Variants in LAMB2 observed in about 807,000 individuals in gnomAD.
LAMB2 encodes the protein laminin subunit beta 2.
In LAMB2, 119 loss-of-function variants were observed where a neutral mutation model predicts 202.7. The observed-to-expected ratio is 0.59, with a 90% CI of 0.51 to 0.68. LAMB2 has a LOEUF of 0.68. Ranked by LOEUF, LAMB2 falls within the 30% of genes least tolerant of loss-of-function variation. LAMB2 has a pLI of 0.00. For synonymous variants in LAMB2, 818 were observed against 902.2 expected (o/e 0.91, Z 1.67); for missense variants, 2,124 against 2,410.6 (o/e 0.88, Z 2.49).
rs1389787161 is a variant in LAMB2 at position 49,131,580 on chromosome 3, G to A, written c.603C>T (p.Val201=). The change falls in exon 5 of 32, where the codon GTC becomes GTT. Residue 201 remains valine, a synonymous_variant. Transcript: ENST00000305544. The surrounding 1 kb of genome is among the most constrained non-coding windows in gnomAD (Gnocchi z 5.0). ...CAATCTCTGAGTAGCGGGACTCACA[G>A]ACTACATCATCCCAGTGCCGTGGGG... ...LAPPRHWDDV[V]CESRYSEIEP... 3.7e-6 allele frequency: 6 copies of A among 1,613,782 alleles called. No homozygotes were observed. In the African/African-American group the frequency reaches 5.3e-5, roughly 14 times the overall value.
In LAMB2 at chr3:49,124,027, T is replaced by C. The variant is rs186771094; in HGVS notation, c.3498A>G (p.Pro1166=). ...GGTCACAGCGCACACCAGACACCCC[T>C]GGGCGGCAGCTGCAGTGACCTGTGA... is the stretch of plus-strand genomic sequence containing the variant. The part of the protein sequence containing the change: ...HRFTGHCSCR[P]GVSGVRCDQC... Residue 1166 remains proline, a synonymous_variant, in exon 24 of 32, where the codon CCA becomes CCG. Transcript: ENST00000305544. The C allele has an allele frequency of 5.0e-5, 80 of 1,613,658 alleles. 1 individual carries two copies. The East Asian group carries it at 1.0e-3, about 20-fold the overall frequency.
rs780366815 is a variant in LAMB2, at chr3:49,122,254, G to A, written c.4690C>T (p.Arg1564Trp). The A allele has an allele frequency of 1.1e-5, 18 of 1,613,484 alleles. No homozygotes were observed. Among genetic ancestry groups the A allele is most frequent in the South Asian group, 3.3e-5 (3 of 91,084 alleles). Residue 1564 changes from arginine to tryptophan, a missense_variant, in exon 28 of 32, where the codon CGG becomes TGG. Physicochemically the swap from Arg to Trp is moderately radical, Grantham distance 101. This residue lies in a region of LAMB2 where 1,702 missense variants were observed against 1,896.3 expected (regional missense o/e 0.90). Transcript: ENST00000305544. ...HLAGAIAERVRSLADVDAILA... is the reference protein window; with the variant it reads ...HLAGAIAERVWSLADVDAILA... ...ATCGCATCCACATCTGCCAGGCTCC[G>A]GACTCGCTCTGCAATCGCACCCGCC...
chr3:49,132,014 C>T lies in LAMB2; in HGVS notation c.459+102G>A. 8.7e-7 allele frequency: 1 copy of T among 1,145,134 alleles called. No homozygotes were observed. Among genetic ancestry groups the T allele is most frequent in the Non-Finnish European group, 1.3e-6 (1 of 756,050 alleles). 70.9% of individuals were successfully genotyped at this position (1,145,134 alleles called of 1,614,324 possible). A position where few individuals can be genotyped will look rare whatever the true frequency, so the allele number is the denominator to read the frequency against. ...TGTGAAGGGATGAAGGAGCCTCCTG[C>T]ATCCATGCTCAAGGAGGCTGTGTTA... On this transcript the variant is annotated intron_variant, in intron 4 of 31. Coordinates refer to ENST00000305544, the MANE Select transcript of LAMB2 (RefSeq NM_002292.4). This position sits in a 1 kb window ranked among gnomAD's most constrained non-coding sequence, Gnocchi z 4.6.
At chr3:49,122,636 G>A in intron 27 of LAMB2, 68 bp downstream of exon 27, 1 of 1,306,152 alleles carries the variant, frequency 7.7e-7, no homozygotes, top group Non-Finnish European at 1.1e-6. Context: ...TATGAACCAA[G>A]GGAGATACAG....
rs2107639209 is a variant in LAMB2 at position 49,125,056 on chromosome 3, T to C, written c.2834A>G (p.Gln945Arg). 1.2e-6 allele frequency: 2 copies of C among 1,613,986 alleles called. No individual in the cohort carries two copies. The highest frequency in any genetic ancestry group is 2.2e-5 in the East Asian group (1 of 44,884). The change falls in exon 20 of 32, where the codon CAG (glutamine) becomes CGG (arginine). Residue 945 changes from glutamine (Q) to arginine (R), a missense_variant. Coordinates refer to ENST00000305544, the MANE Select transcript of LAMB2 (RefSeq NM_002292.4). ...SQRHFATSCH[Q>R]DEYSQQIVCH... ...CACAATCTGCTGGGAATATTCATCC[T>C]GGTGGCAAGAAGTAGCAAAGTGCCG...
rs368246955 is a variant in LAMB2 at position 49,124,993 on chromosome 3, C to G, written c.2884+13G>C. ...AACTCACCCTGATCCCACGCCTGCC[C>G]CCATCCACTCACCCGTATAGCCTGC... is the stretch of plus-strand genomic sequence containing the variant. On this transcript the variant is annotated intron_variant, in intron 20 of 31. Coordinates refer to ENST00000305544, the MANE Select transcript of LAMB2 (RefSeq NM_002292.4). The G allele has an allele frequency of 6.2e-7, 1 of 1,613,858 alleles. No individual in the cohort carries two copies. Among genetic ancestry groups the G allele is most frequent in the African/African-American group, 1.3e-5 (1 of 74,930 alleles).
chr3:49,121,593 C>T lies in LAMB2; in HGVS notation c.5101-1G>A, dbSNP rs2045251310. The T allele has an allele frequency of 4.3e-6, 7 of 1,614,012 alleles. No homozygotes were observed. The highest frequency in any genetic ancestry group is 5.9e-6 in the Non-Finnish European group (7 of 1,180,026). The stretch of plus-strand genomic sequence containing the variant: ...GATCACCCAGAGGACCGCGTAGCAG[C>T]TGCAGATGTAGAGGGTTAGGTTAGC... On this transcript the variant is annotated splice_acceptor_variant, in intron 30 of 31. Transcript: ENST00000305544. LOFTEE classifies it high-confidence loss of function.
At position 49,123,153 on chromosome 3, in the gene LAMB2, G is replaced by T. The variant is rs1433934701; in HGVS notation, c.4203C>A (p.Ser1401Arg). ...TCACCAGCTCATTTATGTCTGTCAGGCTCAGGGTGTGGGTATGGGCAGAGA... is the reference window on the plus strand; with the variant it reads ...TCACCAGCTCATTTATGTCTGTCAGTCTCAGGGTGTGGGTATGGGCAGAGA... ...GKLSAHTHTL[S>R]LTDINELVCG... Residue 1401 changes from serine (S) to arginine (R), a missense_variant, in exon 26 of 32, where the codon AGC becomes AGA. Coordinates refer to ENST00000305544, the MANE Select transcript of LAMB2 (RefSeq NM_002292.4). The T allele has an allele frequency of 6.2e-7, 1 of 1,613,142 alleles. No homozygotes were observed. Among genetic ancestry groups the T allele is most frequent in the South Asian group, 1.1e-5 (1 of 91,080 alleles).
intron 13 of LAMB2, 53 bp downstream of exon 13, chr3:49,128,967 T>G: frequency 6.2e-7 from 1 of 1,603,170 alleles, no homozygotes; most frequent in East Asian, 2.2e-5. Flanking sequence ...ACCTCTCCAG[T>G]CATAGACGTG....
chr3:49,127,155 A>G (rs2045424374), intron 15 of LAMB2, among the ~76,000 whole-genome samples: 1 of 151,840 alleles, frequency 6.6e-6, no homozygotes, highest in South Asian at 2.1e-4. Flanking sequence ...TTAGCTAATT[A>G]TTTTATTTTT....
chr3:49,128,018 CAAAAAA>C (rs1156873652), intron 15 of LAMB2, among the ~76,000 whole-genome samples: 1 of 32,882 alleles, frequency 3.0e-5, no homozygotes, highest in Non-Finnish European at 5.9e-5. Flanking sequence ...GACTCCGTCT[CAAAAAA>C]AAAAAAAAAA....
chr3:49,126,199 G>C lies in LAMB2; in HGVS notation c.2152-40C>G, dbSNP rs377736594. The C allele has an allele frequency of 9.9e-6, 16 of 1,608,660 alleles. No individual in the cohort carries two copies. In the Admixed American group the frequency reaches 1.7e-4, roughly 17 times the overall value. The stretch of plus-strand genomic sequence containing the variant: ...AAGGAAGATCGCAGTTCAGACCTGG[G>C]ACCACGTAGGCATTGCCAGAGCACT... On this transcript the variant is annotated intron_variant, in intron 16 of 31. Coordinates refer to ENST00000305544, the MANE Select transcript of LAMB2 (RefSeq NM_002292.4).
intron 18 of LAMB2, 126 bp downstream of exon 18, chr3:49,125,621 C>T: frequency 7.0e-7 from 1 of 1,436,490 alleles, no homozygotes; most frequent in Non-Finnish European, 9.5e-7. Context: ...CTACAACTGA[C>T]CCAGGTTGAG....
At position 49,121,974 on chromosome 3, in the gene LAMB2, G is replaced by A; in HGVS notation, c.4893C>T (p.Asp1631=). The stretch of plus-strand genomic sequence containing the variant: ...ACAGGGTCTGCTCTGTGTCCCGTGT[G>A]TCAGCCACTGCCCCCCGGATGGCAC... ...AQGAIRGAVA[D]TRDTEQTLYQ... Residue 1631 remains aspartate (D), a synonymous_variant, in exon 29 of 32, where the codon GAC becomes GAT. Transcript: ENST00000305544. 1 of 1,613,962 alleles carries A rather than the reference G, an allele frequency of 6.2e-7. No individual in the cohort carries two copies. Among genetic ancestry groups the A allele is most frequent in the Non-Finnish European group, 8.5e-7 (1 of 1,180,044 alleles).
At chr3:49,124,981 C>A in intron 20 of LAMB2, 25 bp downstream of exon 20, 1 of 1,613,956 alleles carries the variant, frequency 6.2e-7, no homozygotes, top group Admixed American at 1.7e-5. Flanking sequence ...TCACCCTGAT[C>A]CCACGCCTGC....
At position 49,131,276 on chromosome 3, in the gene LAMB2, G is replaced by C; in HGVS notation, c.712+103C>G. On this transcript the variant is annotated intron_variant, in intron 6 of 31. Transcript: ENST00000305544. The surrounding 1 kb of genome is among the most constrained non-coding windows in gnomAD (Gnocchi z 5.0). The stretch of plus-strand genomic sequence containing the variant: ...ATACACTGCCACCCGAGCTAAACTG[G>C]GCTTGGCACCTGCCCTAGGAAGCAC... 1.4e-6 allele frequency: 2 copies of C among 1,479,788 alleles called. No individual in the cohort carries two copies. The highest frequency in any genetic ancestry group is 2.3e-5 in the East Asian group (1 of 42,660). 91.7% of individuals were successfully genotyped at this position (1,479,788 alleles called of 1,614,324 possible).
At position 49,125,031 on chromosome 3, in the gene LAMB2, C is replaced by T. The variant is rs758142804; in HGVS notation, c.2859G>A (p.Val953=). The T allele has an allele frequency of 1.9e-6, 3 of 1,613,964 alleles. No individual in the cohort carries two copies. The South Asian group carries it at 3.3e-5, about 18-fold the overall frequency. Residue 953 remains valine, a synonymous_variant, in exon 20 of 32, where the codon GTG becomes GTA. Transcript: ENST00000305544. ...CHQDEYSQQI[V]CHCRAGYTGL... Reference sequence around the variant, plus strand: ...CCGTATAGCCTGCCCGGCAGTGGCACACAATCTGCTGGGAATATTCATCCT... The same window carrying T: ...CCGTATAGCCTGCCCGGCAGTGGCATACAATCTGCTGGGAATATTCATCCT...
rs776905329 is a variant in LAMB2, at chr3:49,132,597, T to C, written c.143A>G (p.Tyr48Cys). The change falls in exon 2 of 32, where the codon TAC becomes TGC. Residue 48 changes from tyrosine to cysteine, a missense_variant. Around this residue, in one of 3 missense-constraint regions of LAMB2, gnomAD observed 166 missense variants for 158.2 expected, o/e 1.05. Coordinates refer to ENST00000305544, the MANE Select transcript of LAMB2 (RefSeq NM_002292.4). The surrounding 1 kb of genome is among the most constrained non-coding windows in gnomAD (Gnocchi z 4.6). ...CACCAGCAGGTCGCCCGTGGCGGGGTAGCAGCTTCCCCTGGAACAGCCAGG... is the reference window on the plus strand; with the variant it reads ...CACCAGCAGGTCGCCCGTGGCGGGGCAGCAGCTTCCCCTGGAACAGCCAGG... ...DVPGCSRGSC[Y>C]PATGDLLVGR... The C allele has an allele frequency of 3.1e-5, 50 of 1,609,188 alleles. No individual in the cohort carries two copies. Among genetic ancestry groups the C allele is most frequent in the Non-Finnish European group, 1.4e-5 (17 of 1,178,864 alleles).
intron 15 of LAMB2, among the ~76,000 whole-genome samples, chr3:49,127,696 AAAAC>A (rs889842642): frequency 9.3e-5 from 14 of 151,260 alleles, no homozygotes; most frequent in South Asian, 2.1e-4. Flanking sequence ...CTCCATCTCA[AAAAC>A]AAACAAACAA....
Sources: allele counts gnomAD v4.1 joint callset (sites outside exome capture counted in the v4.1 genomes callset), GRCh38; gene constraint gnomAD v4.1.1; regional missense constraint gnomAD v4.1.1; non-coding constraint Gnocchi (gnomAD v3.1); transcripts MANE v1.5; gene names NCBI Gene and HGNC (gene_info 2026-07-23, HGNC 2026-07-21).